The following CRPPA variants were observed in gnomAD, a reference collection of about 807,000 sequenced individuals.
CRPPA encodes the protein D-ribitol-5-phosphate cytidylyltransferase.
CRPPA carries 43 observed loss-of-function variants against 52.0 expected under a neutral mutation model. That is an observed-to-expected ratio of 0.83 (90% CI 0.65 to 1.07). The LOEUF is 1.07. Among genes scored for constraint, CRPPA ranks in the 50% least tolerant of loss-of-function variants. The pLI is 0.00. For missense variants in CRPPA, 629 were observed against 551.7 expected (o/e 1.14, Z -1.40); for synonymous variants, 250 against 203.5 (o/e 1.23, Z -1.94).
chr7:16,143,129 G>T (rs1168035749), intron 9 of CRPPA, among the ~76,000 whole-genome samples: 1 of 152,144 alleles, frequency 6.6e-6, no homozygotes, highest in Admixed American at 6.5e-5. Context: ...CCCAAAGTCT[G>T]CATCACAATC....
At position 16,285,724 on chromosome 7, in the gene CRPPA, T is replaced by C. The variant is rs186526305; in HGVS notation, c.836-7498A>G. ...AATGGTAAAGGTATGTATATAATTGTCAGTTAAAATTATGTTGGCCAGGCG... is the reference window on the plus strand; with the variant it reads ...AATGGTAAAGGTATGTATATAATTGCCAGTTAAAATTATGTTGGCCAGGCG... On this transcript the variant is annotated intron_variant, in intron 5 of 9. Coordinates refer to ENST00000407010, the MANE Select transcript of CRPPA (RefSeq NM_001101426.4). Among the ~76,000 whole-genome samples the C allele has an allele frequency of 2.5e-3, 378 of 151,898 alleles. 2 individuals are homozygous for C. Among genetic ancestry groups the C allele is most frequent in the African/African-American group, 8.7e-3 (362 of 41,420 alleles).
chr7:16,175,254 T>G (rs1402318326), intron 9 of CRPPA, among the ~76,000 whole-genome samples: 1 of 152,200 alleles, frequency 6.6e-6, no homozygotes, highest in Non-Finnish European at 1.5e-5. Context: ...CACAGTACTC[T>G]CTAAAGTATT....
At chr7:16,387,735 G>A (rs1228863044) in intron 2 of CRPPA, among the ~76,000 whole-genome samples, 1 of 152,108 alleles carries the variant, frequency 6.6e-6, no homozygotes, top group Admixed American at 6.5e-5. Context: ...ATAGTGGCTA[G>A]AACTAGGCAG....
At chr7:16,314,857 G>A (rs1785110505) in intron 3 of CRPPA, among the ~76,000 whole-genome samples, 1 of 152,066 alleles carries the variant, frequency 6.6e-6, no homozygotes, top group Non-Finnish European at 1.5e-5. Context: ...ATGCTTAGGT[G>A]TAGTTTATTT....
intron 8 of CRPPA, among the ~76,000 whole-genome samples, chr7:16,217,481 T>G (rs1782362779): frequency 7.6e-6 from 1 of 132,284 alleles, no homozygotes; most frequent in Non-Finnish European, 1.6e-5. Flanking sequence ...CTTCAGACGA[T>G]CAAATTACTC....
chr7:16,214,964 C>T (rs1370332790), intron 9 of CRPPA, among the ~76,000 whole-genome samples: 3 of 152,152 alleles, frequency 2.0e-5, no homozygotes, highest in African/African-American at 7.2e-5. Flanking sequence ...CCTACGTGAA[C>T]TAAAATTTGC....
chr7:16,336,589 C>T (rs1049746744), intron 3 of CRPPA, among the ~76,000 whole-genome samples: 2 of 143,888 alleles, frequency 1.4e-5, no homozygotes. Context: ...AAGGAACCTA[C>T]AAAACAATCA....
chr7:16,289,872 G>T (rs1018971592), intron 5 of CRPPA, among the ~76,000 whole-genome samples: 2 of 151,988 alleles, frequency 1.3e-5, no homozygotes, highest in Non-Finnish European at 2.9e-5. Context: ...AAATGGCAAA[G>T]AAATTAAATT....
At chr7:16,168,230 C>A (rs1181837901) in intron 9 of CRPPA, among the ~76,000 whole-genome samples, 3 of 152,090 alleles carry the variant, frequency 2.0e-5, no homozygotes, top group Non-Finnish European at 2.9e-5. Context: ...AATTCATGTT[C>A]ATTGCCAAGT....
intron 5 of CRPPA, among the ~76,000 whole-genome samples, chr7:16,284,852 G>A (rs1194457766): frequency 6.6e-6 from 1 of 152,010 alleles, no homozygotes; most frequent in African/African-American, 2.4e-5. Context: ...AAACAGTAAT[G>A]ACTGTACTTG....
chr7:16,256,987 T>C (rs1261002528), intron 8 of CRPPA, among the ~76,000 whole-genome samples: 2 of 152,012 alleles, frequency 1.3e-5, no homozygotes, highest in East Asian at 3.8e-4. Flanking sequence ...TTTGGAGTCA[T>C]CTCATCCAAA....
intron 9 of CRPPA, among the ~76,000 whole-genome samples, chr7:16,202,333 T>C (rs191502487): frequency 3.2e-4 from 49 of 152,310 alleles, no homozygotes; most frequent in African/African-American, 1.2e-3. Flanking sequence ...ATACACTATC[T>C]ATAGTATAAA....
chr7:16,355,760 C>G (rs10225225), intron 3 of CRPPA, among the ~76,000 whole-genome samples: 62,234 of 151,966 alleles, frequency 0.41, 12,860 homozygotes, highest in East Asian at 0.46. Flanking sequence ...CAGGCTTGAA[C>G]TAGAGTGGTT....
At chr7:16,142,197 C>T (rs1229415087) in intron 9 of CRPPA, among the ~76,000 whole-genome samples, 1 of 152,192 alleles carries the variant, frequency 6.6e-6, no homozygotes, top group South Asian at 2.1e-4. Flanking sequence ...AAATAATTTT[C>T]TTCTTTTCTT....
intron 9 of CRPPA, among the ~76,000 whole-genome samples, chr7:16,121,926 C>T (rs550862288): frequency 6.6e-6 from 1 of 152,130 alleles, no homozygotes; most frequent in African/African-American, 2.4e-5. Flanking sequence ...CTTTCTCTGC[C>T]GACATGTTTT....
intron 5 of CRPPA, among the ~76,000 whole-genome samples, chr7:16,297,877 C>G (rs1784707122): frequency 6.6e-6 from 1 of 152,210 alleles, no homozygotes; most frequent in African/African-American, 2.4e-5. Context: ...TAGCCTCCAT[C>G]ATCACATGAG....
In CRPPA at chr7:16,258,962, C is replaced by A. The variant is rs573577667; in HGVS notation, c.984G>T (p.Gln328His). Residue 328 changes from glutamine (Q) to histidine (H), a missense_variant, in exon 7 of 10, where the codon CAG becomes CAT. By Grantham distance (24) the Gln-to-His change is conservative. Coordinates refer to ENST00000407010, the MANE Select transcript of CRPPA (RefSeq NM_001101426.4). ...TGTAGCATTGATCTAAGATGATTTG[C>A]TGAAGATGTCTGCCAGCATGACCCA... is the stretch of plus-strand genomic sequence containing the variant. ...EALGHAGRHL[Q>H]QIILDQCYNF... 2.5e-6 allele frequency: 4 copies of A among 1,611,012 alleles called. No individual in the cohort carries two copies. In the East Asian group the frequency reaches 8.9e-5, roughly 36 times the overall value.
At chr7:16,382,805 A>T (rs200679811) in intron 2 of CRPPA, among the ~76,000 whole-genome samples, 5 of 152,014 alleles carry the variant, frequency 3.3e-5, no homozygotes, top group South Asian at 2.1e-4. Flanking sequence ...GCTTCTGCAT[A>T]CTTCACGTAG....
chr7:16,142,969 G>T (rs1782902471), intron 9 of CRPPA, among the ~76,000 whole-genome samples: 1 of 152,158 alleles, frequency 6.6e-6, no homozygotes, highest in African/African-American at 2.4e-5. Flanking sequence ...GTAAAGACTT[G>T]TAACTAGGTA....
Sources: gnomAD v4.1 joint callset for allele counts (sites outside exome capture counted in the v4.1 genomes callset) on GRCh38, gnomAD v4.1.1 for gene constraint, MANE v1.5 for transcripts, NCBI Gene and HGNC (gene_info 2026-07-23, HGNC 2026-07-21) for gene names.